The following TTBK1 variants were observed in gnomAD, a reference collection of about 807,000 sequenced individuals.
TTBK1 encodes the protein tau-tubulin kinase 1.
A neutral mutation model predicts 108.5 loss-of-function variants in TTBK1; 34 were observed. That is an observed-to-expected ratio of 0.31 (90% CI 0.24 to 0.42). The LOEUF (loss-of-function observed/expected upper bound fraction) is 0.42. TTBK1 is among the 10% of genes least tolerant of loss of function. TTBK1 has a pLI of 1.00. For missense variants in TTBK1, 1,539 were observed against 1,826.0 expected (o/e 0.84, Z 2.86); for synonymous variants, 809 against 795.1 (o/e 1.02, Z -0.29).
At position 43,283,362 on chromosome 6, in the gene TTBK1, C is replaced by G; in HGVS notation, c.2622C>G (p.Pro874=). 6.3e-7 allele frequency: 1 copy of G among 1,598,152 alleles called. No individual in the cohort carries two copies. ...CTCCTCAGCATGAGCGGCCCCAGCCCACGGGCAGCCAGCTGGACGTATCTG... is the reference window on the plus strand; with the variant it reads ...CTCCTCAGCATGAGCGGCCCCAGCCGACGGGCAGCCAGCTGGACGTATCTG... ...ALTPQHERPQ[P]TGSQLDVSEP... Residue 874 remains proline, a synonymous_variant, in exon 14 of 15, where the codon CCC becomes CCG. Coordinates refer to ENST00000259750, the MANE Select transcript of TTBK1 (RefSeq NM_032538.3). This position sits in a 1 kb window ranked among gnomAD's most constrained non-coding sequence, Gnocchi z 8.1.
intron 9 of TTBK1, among the ~76,000 whole-genome samples, chr6:43,256,866 A>G (rs1777395152): frequency 6.6e-6 from 1 of 152,162 alleles, no homozygotes. Flanking sequence ...GGCCCAATAT[A>G]GTGGTTAGGA....
In TTBK1 at chr6:43,252,802, G is replaced by A; in HGVS notation, c.172G>A (p.Glu58Lys). The A allele has an allele frequency of 6.2e-7, 1 of 1,614,004 alleles. No individual in the cohort carries two copies. Among genetic ancestry groups the A allele is most frequent in the Non-Finnish European group, 8.5e-7 (1 of 1,179,984 alleles). The change falls in exon 3 of 15, where the codon GAG (glutamate) becomes AAG (lysine). Residue 58 changes from glutamate to lysine, a missense_variant. Coordinates refer to ENST00000259750, the MANE Select transcript of TTBK1 (RefSeq NM_032538.3). ...IYEAMDLLTR[E>K]NVALKVESAQ... ...CGAGGCCATGGACCTGCTGACCAGG[G>A]AGAATGTGGCCCTCAAGGTGGAGTC...
At chr6:43,254,756 T>G in intron 6 of TTBK1, 105 bp downstream of exon 6, 1 of 1,077,930 alleles carries the variant, frequency 9.3e-7, no homozygotes, top group Non-Finnish European at 1.3e-6. Flanking sequence ...TGGCCTGGCC[T>G]TGTGTTCAGT....
Position 43,259,147 on chromosome 6 carries a change from G to T in TTBK1, c.1126G>T (p.Gly376Trp), listed in dbSNP as rs778079518. Residue 376 changes from glycine to tryptophan, a missense_variant, in exon 11 of 15, where the codon GGG (glycine) becomes TGG (tryptophan). Transcript: ENST00000259750. The surrounding 1 kb of genome is among the most constrained non-coding windows in gnomAD (Gnocchi z 6.7). ...DQENAPPILP[G>W]RPSEGLGPSP... is the part of the protein sequence containing the mutation. ...GGAGAATGCACCCCCAATTCTGCCCGGGAGGCCCTCTGAGGGGCTGGGCCC... is the reference window on the plus strand; with the variant it reads ...GGAGAATGCACCCCCAATTCTGCCCTGGAGGCCCTCTGAGGGGCTGGGCCC... 3 of 1,613,860 alleles carry T rather than the reference G, an allele frequency of 1.9e-6. No homozygotes were observed. In the African/African-American group the frequency reaches 4.0e-5, roughly 22 times the overall value.
intron 13 of TTBK1, chr6:43,271,394 C>T: frequency 4.1e-6 from 4 of 985,396 alleles, no homozygotes; most frequent in Non-Finnish European, 4.8e-6. Flanking sequence ...CTCAATGTGA[C>T]TGGCACGTGC....
At chr6:43,251,250 G>A (rs1777231102) in intron 2 of TTBK1, among the ~76,000 whole-genome samples, 1 of 152,200 alleles carries the variant, frequency 6.6e-6, no homozygotes, top group African/African-American at 2.4e-5. Flanking sequence ...CAAGTCATCT[G>A]GGTACTGAAC....
intron 13 of TTBK1, chr6:43,271,407 A>C (rs532563906): frequency 4.1e-4 from 401 of 985,454 alleles, no homozygotes; most frequent in Middle Eastern, 2.1e-3. Context: ...GCACGTGCGC[A>C]AGTTGCACAG....
Position 43,253,700 on chromosome 6 carries a change from A to G in TTBK1, c.463A>G (p.Ile155Val). The G allele has an allele frequency of 2.5e-6, 4 of 1,612,782 alleles. No homozygotes were observed. The highest frequency in any genetic ancestry group is 1.1e-5 in the South Asian group (1 of 90,880). Residue 155 changes from isoleucine (I) to valine (V), a missense_variant, in exon 5 of 15, where the codon ATC (isoleucine) becomes GTC (valine). Around this residue, in one of 5 missense-constraint regions of TTBK1, gnomAD observed 155 missense variants for 348.5 expected, o/e 0.44. Transcript: ENST00000259750. The surrounding 1 kb of genome is among the most constrained non-coding windows in gnomAD (Gnocchi z 5.8). ...CTCTGTGGGCTTCCTGCACCGTGAC[A>G]TCAAGCCTGTGAGTACTGCCCCCAC... ...IHSVGFLHRD[I>V]KPSNFAMGRL...
At chr6:43,268,587 G>A (rs1777741377) in intron 13 of TTBK1, among the ~76,000 whole-genome samples, 3 of 152,174 alleles carry the variant, frequency 2.0e-5, no homozygotes, top group Admixed American at 2.0e-4. Flanking sequence ...TCTGTCTCAG[G>A]AAGAGAGAGG....
intron 13 of TTBK1, among the ~76,000 whole-genome samples, chr6:43,278,424 C>G (rs1017650969): frequency 6.6e-6 from 1 of 152,154 alleles, no homozygotes; most frequent in South Asian, 2.1e-4. Context: ...GAACCCTTAC[C>G]ATATATGCCT....
intron 10 of TTBK1, 71 bp from the exon 11 acceptor site, chr6:43,258,967 G>T: frequency 8.3e-7 from 1 of 1,208,904 alleles, no homozygotes; most frequent in Non-Finnish European, 1.2e-6. Context: ...GTCTGTGCTG[G>T]TAGGAGAGGG....
chr6:43,254,900 C>T (rs746761565), intron 6 of TTBK1, 149 bp from the exon 7 acceptor site: 155 of 824,040 alleles, frequency 1.9e-4, no homozygotes, highest in Middle Eastern at 4.6e-4. Context: ...GGTCAGCAGG[C>T]GGGTTTAGGA....
Position 43,282,611 on chromosome 6 carries a change from A to C in TTBK1, c.1987-116A>C. Reference sequence around the variant, plus strand: ...GCCTGTGCTTAACTTTATGGAGCTCACACTCTGGTAGACGACCTGGGCCTG... The same window carrying C: ...GCCTGTGCTTAACTTTATGGAGCTCCCACTCTGGTAGACGACCTGGGCCTG... On this transcript the variant is annotated intron_variant, in intron 13 of 14. Coordinates refer to ENST00000259750, the MANE Select transcript of TTBK1 (RefSeq NM_032538.3). This position sits in a 1 kb window ranked among gnomAD's most constrained non-coding sequence, Gnocchi z 5.4. 1 of 831,620 alleles carries C rather than the reference A, an allele frequency of 1.2e-6. No homozygotes were observed. The highest frequency in any genetic ancestry group is 1.9e-6 in the Non-Finnish European group (1 of 514,140). 51.5% of individuals were successfully genotyped at this position (831,620 alleles called of 1,614,324 possible).
At chr6:43,250,996 C>A (rs1337336614) in intron 2 of TTBK1, among the ~76,000 whole-genome samples, 1 of 152,234 alleles carries the variant, frequency 6.6e-6, no homozygotes, top group Non-Finnish European at 1.5e-5. Context: ...CTTTAAATTT[C>A]ATCTCTAAGA....
At chr6:43,250,210 G>C (rs1562081721) in intron 2 of TTBK1, among the ~76,000 whole-genome samples, 1 of 152,122 alleles carries the variant, frequency 6.6e-6, no homozygotes, top group African/African-American at 2.4e-5. Flanking sequence ...CTTATCTCTA[G>C]CAATGATTTC....
intron 13 of TTBK1, among the ~76,000 whole-genome samples, chr6:43,275,431 C>A (rs2150707540): frequency 6.6e-6 from 1 of 152,256 alleles, no homozygotes; most frequent in Middle Eastern, 3.4e-3. Flanking sequence ...CCTTTGGGTC[C>A]CTGGCCCCGG....
Position 43,269,899 on chromosome 6 carries a change from T to G in TTBK1, c.1986+6549T>G. The G allele has an allele frequency of 4.0e-6, 6 of 1,512,840 alleles. No homozygotes were observed. The highest frequency in any genetic ancestry group is 5.3e-6 in the Non-Finnish European group (6 of 1,134,024). 93.7% of individuals were successfully genotyped at this position (1,512,840 alleles called of 1,614,324 possible). A position where few individuals can be genotyped will look rare whatever the true frequency, so the allele number is the denominator to read the frequency against. ...AGACTCATGCCCTCGGTGCTCCGCA[T>G]CTCGCGGTCCCAGCTGCAGCAGGTG... On this transcript the variant is annotated intron_variant, in intron 13 of 14. Coordinates refer to ENST00000259750, the MANE Select transcript of TTBK1 (RefSeq NM_032538.3). This position sits in a 1 kb window ranked among gnomAD's most constrained non-coding sequence, Gnocchi z 4.8.
Position 43,259,737 on chromosome 6 carries a change from C to A in TTBK1, c.1424+31C>A, listed in dbSNP as rs761153752. On this transcript the variant is annotated intron_variant, in intron 12 of 14. Transcript: ENST00000259750. This position sits in a 1 kb window ranked among gnomAD's most constrained non-coding sequence, Gnocchi z 6.7. ...TCTGGGGCCAGGGGCATGGTTGGGGCCCAAGGCCCTCTCCGCCTTCACGTG... is the reference window on the plus strand; with the variant it reads ...TCTGGGGCCAGGGGCATGGTTGGGGACCAAGGCCCTCTCCGCCTTCACGTG... 10 of 1,521,392 alleles carry A rather than the reference C, an allele frequency of 6.6e-6. No individual in the cohort carries two copies. The highest frequency in any genetic ancestry group is 8.8e-6 in the Non-Finnish European group (10 of 1,135,750). The allele number at this position is 1,521,392 out of a possible 1,614,324, so 94.2% of individuals were successfully genotyped here. A position where few individuals can be genotyped will look rare whatever the true frequency, so the allele number is the denominator to read the frequency against.
rs1777999198 is a variant in TTBK1 at position 43,276,347 on chromosome 6, T to TA, written c.1987-6379dup. Among the ~76,000 whole-genome samples, 1 of 152,018 alleles carries TA rather than the reference T, an allele frequency of 6.6e-6. No individual in the cohort carries two copies. The highest frequency in any genetic ancestry group is 6.5e-5 in the Admixed American group (1 of 15,276). On this transcript the variant is annotated intron_variant, in intron 13 of 14. Transcript: ENST00000259750. This position sits in a 1 kb window ranked among gnomAD's most constrained non-coding sequence, Gnocchi z 5.4. ...CTCTCTCTCCGGGGTGCGTCCTCCT[T>TA]AGTGTACATAGCGGCGTCGGGGGGT...
Sources: allele counts gnomAD v4.1 joint callset (sites outside exome capture counted in the v4.1 genomes callset), GRCh38; gene constraint gnomAD v4.1.1; regional missense constraint gnomAD v4.1.1; non-coding constraint Gnocchi (gnomAD v3.1); transcripts MANE v1.5; gene names NCBI Gene and HGNC (gene_info 2026-07-23, HGNC 2026-07-21).